Variants in R3HDM2 observed in about 807,000 individuals in gnomAD.
R3HDM2 encodes the protein R3H domain-containing protein 2.
A neutral mutation model predicts 124.5 loss-of-function variants in R3HDM2; 38 were observed. That is an observed-to-expected ratio of 0.31 (90% CI 0.24 to 0.40). R3HDM2 has a LOEUF of 0.40. Among genes scored for constraint, R3HDM2 ranks in the 10% least tolerant of loss-of-function variants. R3HDM2 has a pLI of 1.00. For synonymous variants in R3HDM2, 391 were observed against 448.0 expected, an observed-to-expected ratio of 0.87 and a Z score of 1.61; for missense variants, 869 against 1,236.9, an observed-to-expected ratio of 0.70 and a Z score of 4.46.
intron 1 of R3HDM2, among the ~76,000 whole-genome samples, chr12:57,411,505 C>T (rs1308359598): frequency 2.0e-5 from 3 of 152,332 alleles, no homozygotes; most frequent in East Asian, 1.9e-4. Flanking sequence ...ACTAACACAT[C>T]ATCACCTTCT....
At chr12:57,280,731 G>A (rs2045926613) in intron 13 of R3HDM2, among the ~76,000 whole-genome samples, 1 of 152,104 alleles carries the variant, frequency 6.6e-6, no homozygotes, top group African/African-American at 2.4e-5. Flanking sequence ...CCTCCTCTTT[G>A]CAGGCTTCTG....
At chr12:57,299,899 G>C (rs887686702) in intron 5 of R3HDM2, among the ~76,000 whole-genome samples, 196 bp downstream of exon 5, 2 of 152,054 alleles carry the variant, frequency 1.3e-5, no homozygotes, top group Non-Finnish European at 2.9e-5. Flanking sequence ...CCCTGGTGCA[G>C]GTCTGTCAGC....
chr12:57,291,599 AG>A (rs1174581370), intron 11 of R3HDM2, among the ~76,000 whole-genome samples: 1 of 151,462 alleles, frequency 6.6e-6, no homozygotes, highest in Non-Finnish European at 1.5e-5. Flanking sequence ...AGCTGCAGTG[AG>A]CTGTGACTGT....
At chr12:57,264,902 G>A (rs1051306256) in intron 19 of R3HDM2, among the ~76,000 whole-genome samples, 1 of 152,170 alleles carries the variant, frequency 6.6e-6, no homozygotes, top group African/African-American at 2.4e-5. Flanking sequence ...CTCCCAAAGT[G>A]CTGGGATTAC....
intron 1 of R3HDM2, among the ~76,000 whole-genome samples, chr12:57,419,778 C>T (rs1178221616): frequency 6.6e-6 from 1 of 151,952 alleles, no homozygotes; most frequent in Non-Finnish European, 1.5e-5. Context: ...GGTCTTTGCC[C>T]AGGCTATTGT....
At chr12:57,280,624 G>A (rs1350328840) in intron 13 of R3HDM2, 94 bp from the exon 14 acceptor site, 11 of 1,180,008 alleles carry the variant, frequency 9.3e-6, no homozygotes, top group Non-Finnish European at 1.3e-5. Flanking sequence ...CTTTTTCTTT[G>A]CCTTTCCTCT....
At chr12:57,313,401 T>A (rs948748838) in intron 2 of R3HDM2, among the ~76,000 whole-genome samples, 6 of 151,292 alleles carry the variant, frequency 4.0e-5, no homozygotes, top group Admixed American at 2.6e-4. Flanking sequence ...CTCTACAAAA[T>A]TTTTTTTAAA....
At chr12:57,344,979 C>T (rs2059943252) in intron 2 of R3HDM2, among the ~76,000 whole-genome samples, 1 of 152,104 alleles carries the variant, frequency 6.6e-6, no homozygotes, top group South Asian at 2.1e-4. Context: ...GGATTACAGG[C>T]ATGCACCACC....
At chr12:57,303,041 T>C in intron 4 of R3HDM2, 135 bp downstream of exon 4, 1 of 778,034 alleles carries the variant, frequency 1.3e-6, no homozygotes. Flanking sequence ...TTACGCAGGT[T>C]CACAATTGGG....
intron 2 of R3HDM2, among the ~76,000 whole-genome samples, chr12:57,391,284 C>T (rs758071542): frequency 4.6e-5 from 7 of 152,150 alleles, no homozygotes; most frequent in Non-Finnish European, 1.0e-4. Flanking sequence ...ATACATCTAA[C>T]AACTTTGATG....
chr12:57,328,037 A>G (rs747736686), intron 2 of R3HDM2, among the ~76,000 whole-genome samples: 12 of 152,062 alleles, frequency 7.9e-5, no homozygotes, highest in Non-Finnish European at 1.3e-4. Flanking sequence ...ATCTTTCATG[A>G]AAGGAACAGT....
intron 2 of R3HDM2, among the ~76,000 whole-genome samples, chr12:57,368,860 G>A (rs146557043): frequency 3.3e-5 from 5 of 152,060 alleles, no homozygotes; most frequent in East Asian, 3.9e-4. Context: ...GTGATCTTGC[G>A]GACCCCCCCA....
At chr12:57,424,428 C>T (rs1440804644) in intron 1 of R3HDM2, among the ~76,000 whole-genome samples, 4 of 152,122 alleles carry the variant, frequency 2.6e-5, no homozygotes, top group Non-Finnish European at 5.9e-5. Context: ...TCCCAAAGTG[C>T]TGGAATTACA....
chr12:57,392,212 A>G (rs1024977380), intron 2 of R3HDM2, among the ~76,000 whole-genome samples: 1 of 152,166 alleles, frequency 6.6e-6, no homozygotes, highest in African/African-American at 2.4e-5. Context: ...GCTAAGGGAA[A>G]ATCTTAAAAG....
intron 13 of R3HDM2, among the ~76,000 whole-genome samples, chr12:57,283,472 C>T (rs752213920): frequency 6.6e-6 from 1 of 152,188 alleles, no homozygotes; most frequent in Admixed American, 6.5e-5. Flanking sequence ...GGCGTGGTGA[C>T]TCACGCCTGT....
intron 19 of R3HDM2, among the ~76,000 whole-genome samples, chr12:57,266,244 C>T (rs1289848803): frequency 6.6e-6 from 1 of 151,436 alleles, no homozygotes; most frequent in African/African-American, 2.4e-5. Context: ...GACAAGTGTG[C>T]ACCACCATGC....
intron 2 of R3HDM2, among the ~76,000 whole-genome samples, chr12:57,393,735 G>A (rs576410796): frequency 9.2e-4 from 58 of 63,364 alleles, no homozygotes; most frequent in African/African-American, 3.6e-3. Context: ...ATTCCAACCA[G>A]GAAAAACTCA....
rs1422110824 is a variant in R3HDM2 at position 57,296,192 on chromosome 12, T to A, written c.701+219A>T. ...CATTTTTAAACTTTTTTTTTTTTTT[T>A]AAAGTAATAGAGATGGGATCTTGCT... On this transcript the variant is annotated intron_variant, in intron 9 of 23. Coordinates refer to ENST00000402412, the MANE Select transcript of R3HDM2 (RefSeq NM_001394031.1). The surrounding 1 kb of genome is among the most constrained non-coding windows in gnomAD (Gnocchi z 4.5). Among the ~76,000 whole-genome samples the A allele has an allele frequency of 6.6e-6, 1 of 150,948 alleles. No homozygotes were observed. The highest frequency in any genetic ancestry group is 1.5e-5 in the Non-Finnish European group (1 of 67,706).
At chr12:57,303,355 G>T in intron 3 of R3HDM2, 138 bp from the exon 4 acceptor site, 1 of 739,122 alleles carries the variant, frequency 1.4e-6, no homozygotes, top group Non-Finnish European at 2.3e-6. Context: ...ACCACTTGAT[G>T]TGGGTTTCTC....
Sources: gnomAD v4.1 joint callset for allele counts (sites outside exome capture counted in the v4.1 genomes callset) on GRCh38, gnomAD v4.1.1 for gene constraint, Gnocchi (gnomAD v3.1) non-coding constraint, MANE v1.5 for transcripts, NCBI Gene and HGNC (gene_info 2026-07-23, HGNC 2026-07-21) for gene names.